Variants in MTCL2 observed in about 807,000 individuals in gnomAD.
MTCL2 encodes microtubule crosslinking factor 2.
chr20:36,816,351 G>A, the MTCL2 span: 3 of 1,497,024 alleles, frequency 2.0e-6, no homozygotes, highest in South Asian at 2.6e-5. Context: ...GTTAGTGCTG[G>A]GAGTCTCAGT....
the MTCL2 span, among the ~76,000 whole-genome samples, chr20:36,862,228 C>G: frequency 6.6e-6 from 1 of 152,214 alleles, no homozygotes; most frequent in African/African-American, 2.4e-5. Context: ...GGCATTCAGG[C>G]CTTTCCTGGG....
chr20:36,804,638 C>T, the MTCL2 span: 24 of 1,504,442 alleles, frequency 1.6e-5, no homozygotes, highest in South Asian at 2.4e-4. Context: ...ATTCTTATTC[C>T]TCTAGGAGCA....
the MTCL2 span, among the ~76,000 whole-genome samples, chr20:36,841,773 G>A: frequency 6.6e-6 from 1 of 151,818 alleles, no homozygotes; most frequent in East Asian, 1.9e-4. Flanking sequence ...ATCTCAGCTC[G>A]CTGCAACCTC....
At chr20:36,801,028 G>A in the MTCL2 span, among the ~76,000 whole-genome samples, 9 of 152,072 alleles carry the variant, frequency 5.9e-5, no homozygotes, top group Non-Finnish European at 1.3e-4. Flanking sequence ...GTTCACTGAG[G>A]CACAACTTGA....
the MTCL2 span, among the ~76,000 whole-genome samples, chr20:36,849,556 T>A: frequency 3.3e-5 from 5 of 152,120 alleles, no homozygotes; most frequent in Non-Finnish European, 7.4e-5. Context: ...CACTTCAGCC[T>A]CCTGAGTAGC....
the MTCL2 span, chr20:36,793,193 G>T: frequency 1.3e-6 from 2 of 1,487,094 alleles, no homozygotes; most frequent in Non-Finnish European, 1.8e-6. The surrounding 1 kb of genome is among the most constrained non-coding windows in gnomAD (Gnocchi z 6.8). Flanking sequence ...AAAAGAGCTT[G>T]GACCTTATAT....
the MTCL2 span, among the ~76,000 whole-genome samples, chr20:36,829,574 G>T: frequency 2.1e-4 from 31 of 144,734 alleles, no homozygotes; most frequent in Non-Finnish European, 2.8e-4. Flanking sequence ...CTGGAGTGCA[G>T]TGGTGCAATC....
At chr20:36,823,265 G>A in the MTCL2 span, among the ~76,000 whole-genome samples, 6 of 152,220 alleles carry the variant, frequency 3.9e-5, no homozygotes, top group Non-Finnish European at 5.9e-5. Context: ...CCAACTGCAC[G>A]TGAAGATTGG....
chr20:36,796,868 C>A, the MTCL2 span: 1 of 1,613,754 alleles, frequency 6.2e-7, no homozygotes, highest in East Asian at 2.2e-5. Flanking sequence ...AGCAGGGGAC[C>A]AGCATGCAAG....
chr20:36,863,193 C>T, the MTCL2 span: 3 of 1,241,168 alleles, frequency 2.4e-6, no homozygotes, highest in Admixed American at 4.3e-5. The surrounding 1 kb of genome is among the most constrained non-coding windows in gnomAD (Gnocchi z 6.2). Context: ...TGGGCCGCGG[C>T]GGCCCTTAGC....
At chr20:36,828,344 G>A in the MTCL2 span, among the ~76,000 whole-genome samples, 1 of 152,172 alleles carries the variant, frequency 6.6e-6, no homozygotes, top group Non-Finnish European at 1.5e-5. Flanking sequence ...TCTCTCAGGG[G>A]CTGTTTGCTC....
At chr20:36,793,470 G>A in the MTCL2 span, 19 of 1,551,284 alleles carry the variant, frequency 1.2e-5, no homozygotes, top group Admixed American at 3.9e-5. The surrounding 1 kb of genome is among the most constrained non-coding windows in gnomAD (Gnocchi z 6.8). Flanking sequence ...CTCGGTGCCC[G>A]GCCACACACA....
chr20:36,837,774 A>G, the MTCL2 span, among the ~76,000 whole-genome samples: 2 of 151,850 alleles, frequency 1.3e-5, no homozygotes, highest in African/African-American at 4.8e-5. Context: ...ATGGGGTTTC[A>G]CCATGTTGGC....
the MTCL2 span, chr20:36,786,344 T>C: frequency 1.0e-4 from 134 of 1,336,606 alleles, no homozygotes; most frequent in African/African-American, 1.7e-3. Context: ...AGCTGCATTC[T>C]GGCAGTGGCA....
the MTCL2 span, among the ~76,000 whole-genome samples, chr20:36,801,545 T>C: frequency 6.9e-6 from 1 of 145,786 alleles, no homozygotes; most frequent in South Asian, 2.2e-4. Context: ...ACCTCATCTC[T>C]CATAAAAAAA....
the MTCL2 span, among the ~76,000 whole-genome samples, chr20:36,858,461 AAAACACAC>A: frequency 1.4e-3 from 59 of 42,214 alleles, 9 homozygotes; most frequent in Middle Eastern, 0.012. Flanking sequence ...CCAAGGAGGG[AAAACACAC>A]ACACACACAC....
the MTCL2 span, chr20:36,793,890 T>C: frequency 2.6e-6 from 4 of 1,550,592 alleles, no homozygotes; most frequent in Non-Finnish European, 3.5e-6. This position sits in a 1 kb window ranked among gnomAD's most constrained non-coding sequence, Gnocchi z 6.8. Context: ...CCATGGAGGC[T>C]GCTGCGGGGT....
chr20:36,847,938 G>C, the MTCL2 span, among the ~76,000 whole-genome samples: 2 of 151,522 alleles, frequency 1.3e-5, no homozygotes, highest in Non-Finnish European at 2.9e-5. Flanking sequence ...AGGAAGACAG[G>C]AGTTCAAGAC....
At chr20:36,779,367 G>T in the MTCL2 span, 65 of 152,734 alleles carry the variant, frequency 4.3e-4, no homozygotes, top group East Asian at 7.3e-3. Flanking sequence ...AACCTGTCAG[G>T]CAGCACCTGC....
Sources: allele counts gnomAD v4.1 joint callset (sites outside exome capture counted in the v4.1 genomes callset), GRCh38; gene constraint gnomAD v4.1.1; non-coding constraint Gnocchi (gnomAD v3.1); transcripts MANE v1.5; gene names NCBI Gene and HGNC (gene_info 2026-07-23, HGNC 2026-07-21).